OSBPL10: variants seen among roughly 807,000 people sequenced by gnomAD.
OSBPL10 encodes oxysterol binding protein like 10, also known as oxysterol-binding protein-related protein 10.
A neutral mutation model predicts 81.7 loss-of-function variants in OSBPL10; 49 were observed. The observed-to-expected ratio is 0.60, with a 90% confidence interval of 0.48 to 0.76. OSBPL10 has a LOEUF of 0.76. Ranked by LOEUF, OSBPL10 falls within the 30% of genes least tolerant of loss-of-function variation. The pLI is 0.00. For synonymous variants in OSBPL10, 419 were observed against 383.6 expected (o/e 1.09, Z -1.08); for missense variants, 923 against 987.8 (o/e 0.93, Z 0.88).
At chr3:31,904,602 CCA>C (rs1157690366) in intron 1 of OSBPL10, among the ~76,000 whole-genome samples, 1 of 152,148 alleles carries the variant, frequency 6.6e-6, no homozygotes, top group Non-Finnish European at 1.5e-5. Context: ...ACCACAACAT[CCA>C]CAGAGTAAAA....
intron 4 of OSBPL10, among the ~76,000 whole-genome samples, chr3:31,823,328 G>A (rs1462193654): frequency 1.3e-5 from 2 of 152,184 alleles, no homozygotes; most frequent in Non-Finnish European, 2.9e-5. Context: ...ATTGTGCAAG[G>A]GCTGAAAGAT....
intron 2 of OSBPL10, among the ~76,000 whole-genome samples, chr3:32,024,605 C>A (rs574385513): frequency 1.4e-4 from 21 of 151,638 alleles, no homozygotes; most frequent in Admixed American, 3.9e-4. Context: ...CTGCCTCAGC[C>A]CCCCCAGTAG....
intron 2 of OSBPL10, among the ~76,000 whole-genome samples, chr3:31,997,854 C>T (rs1020026254): frequency 2.0e-5 from 3 of 152,076 alleles, no homozygotes; most frequent in African/African-American, 7.2e-5. Flanking sequence ...TTGGCACAAT[C>T]CCAACTCATG....
At chr3:31,963,290 TTCCTC>T (rs1295890029) in intron 1 of OSBPL10, among the ~76,000 whole-genome samples, 1 of 152,088 alleles carries the variant, frequency 6.6e-6, no homozygotes, top group African/African-American at 2.4e-5. Context: ...TATAAAGTGT[TTCCTC>T]AACCATCTGA....
chr3:31,940,324 G>T (rs1697499043), intron 1 of OSBPL10, among the ~76,000 whole-genome samples: 1 of 152,198 alleles, frequency 6.6e-6, no homozygotes, highest in African/African-American at 2.4e-5. Context: ...AGACATGGCA[G>T]AACACCTACT....
At chr3:31,782,991 T>C (rs979380495) in intron 4 of OSBPL10, among the ~76,000 whole-genome samples, 1 of 151,996 alleles carries the variant, frequency 6.6e-6, no homozygotes. Context: ...TGCACATGTA[T>C]GTTTATAGCA....
At chr3:31,832,241 A>G (rs1369913960) in intron 3 of OSBPL10, among the ~76,000 whole-genome samples, 2 of 152,252 alleles carry the variant, frequency 1.3e-5, no homozygotes, top group African/African-American at 4.8e-5. Flanking sequence ...GGATACATAT[A>G]AAACTATAAA....
chr3:31,955,566 C>G (rs1043721281), intron 1 of OSBPL10, among the ~76,000 whole-genome samples: 1 of 152,182 alleles, frequency 6.6e-6, no homozygotes, highest in African/African-American at 2.4e-5. Flanking sequence ...GACTCCCTGT[C>G]GCTTCATTCT....
At chr3:32,076,121 G>A (rs1398020176) in intron 1 of OSBPL10, among the ~76,000 whole-genome samples, 2 of 152,188 alleles carry the variant, frequency 1.3e-5, no homozygotes, top group Admixed American at 1.3e-4. Flanking sequence ...TGTAATCCCA[G>A]CACTTTGGGA....
At chr3:31,761,813 TAAAAAAAAAA>T (rs34579457) in intron 4 of OSBPL10, among the ~76,000 whole-genome samples, 1 of 107,554 alleles carries the variant, frequency 9.3e-6, no homozygotes, top group African/African-American at 6.4e-5. Context: ...AGACTGTCTC[TAAAAAAAAAA>T]AAAAAAAACC....
chr3:31,880,620 C>G (rs9829576), intron 1 of OSBPL10, among the ~76,000 whole-genome samples: 19,443 of 152,232 alleles, frequency 0.13, 1,245 homozygotes, highest in Middle Eastern at 0.17. Context: ...CCTTGAGGCC[C>G]GCCCCTGCTG....
intron 2 of OSBPL10, among the ~76,000 whole-genome samples, chr3:31,878,814 C>CGTGTGTGTGTGTGT (rs1559502481): frequency 1.9e-5 from 2 of 104,734 alleles, no homozygotes; most frequent in African/African-American, 6.3e-5. Context: ...TCTGCGTGTC[C>CGTGTGTGTGTGTGT]ATGTGTGTGT....
chr3:31,913,083 A>G (rs1696637084), intron 1 of OSBPL10, among the ~76,000 whole-genome samples: 2 of 152,186 alleles, frequency 1.3e-5, no homozygotes, highest in African/African-American at 4.8e-5. Context: ...TGGAATTTCT[A>G]AAATGCCATT....
chr3:31,871,424 C>A (rs2125620980), intron 3 of OSBPL10, among the ~76,000 whole-genome samples: 1 of 152,342 alleles, frequency 6.6e-6, no homozygotes, highest in African/African-American at 2.4e-5. Context: ...AAGGAAAAAA[C>A]TCCAGACAGG....
At chr3:31,867,230 G>A (rs966417524) in intron 3 of OSBPL10, among the ~76,000 whole-genome samples, 1 of 152,150 alleles carries the variant, frequency 6.6e-6, no homozygotes, top group Admixed American at 6.5e-5. Flanking sequence ...AGCGCCAGGA[G>A]AGAGTCAGGC....
At chr3:32,042,332 A>C (rs947549356) in intron 2 of OSBPL10, among the ~76,000 whole-genome samples, 5 of 152,214 alleles carry the variant, frequency 3.3e-5, no homozygotes, top group African/African-American at 7.2e-5. Flanking sequence ...TGTGTGCATA[A>C]TAACATGGTT....
intron 1 of OSBPL10, among the ~76,000 whole-genome samples, chr3:31,973,630 C>T (rs1161605084): frequency 6.6e-6 from 1 of 152,220 alleles, no homozygotes; most frequent in Non-Finnish European, 1.5e-5. Context: ...CTGCCCCTCT[C>T]AGAAGCAATG....
At chr3:31,862,753 T>C (rs57815125) in intron 3 of OSBPL10, among the ~76,000 whole-genome samples, 1,738 of 152,330 alleles carry the variant, frequency 0.011, 31 homozygotes, top group African/African-American at 0.04. Context: ...CCCACTAGTA[T>C]GGCTGCTATA....
intron 3 of OSBPL10, among the ~76,000 whole-genome samples, chr3:31,855,962 T>C (rs1700901290): frequency 6.6e-6 from 1 of 151,984 alleles, no homozygotes; most frequent in African/African-American, 2.4e-5. Context: ...AGATGTATGG[T>C]GCAATAAACT....
Sources: gnomAD v4.1 joint callset for allele counts (sites outside exome capture counted in the v4.1 genomes callset) on GRCh38, gnomAD v4.1.1 for gene constraint, MANE v1.5 for transcripts, NCBI Gene and HGNC (gene_info 2026-07-23, HGNC 2026-07-21) for gene names.